Variants in ZFHX3 observed in about 807,000 individuals in gnomAD.
The protein encoded by ZFHX3 is zinc finger homeobox 3, also known as zinc finger homeobox protein 3.
ZFHX3 carries 42 observed loss-of-function variants against 279.1 expected under a neutral mutation model. The ratio of observed to expected loss-of-function variants is 0.15; its 90% CI spans 0.12 to 0.19. The LOEUF (loss-of-function observed/expected upper bound fraction) is 0.19. Among genes scored for constraint, ZFHX3 ranks in the 10% least tolerant of loss-of-function variants. The pLI, the probability that ZFHX3 is intolerant of heterozygous loss-of-function variation, is 1.00. For synonymous variants in ZFHX3, 2,293 were observed against 1,957.8 expected (o/e 1.17, Z -4.52); for missense variants, 4,981 against 4,754.0 (o/e 1.05, Z -1.40).
At chr16:73,246,949 C>T (rs911524597) in intron 5 of ZFHX3, among the ~76,000 whole-genome samples, 3 of 152,194 alleles carry the variant, frequency 2.0e-5, no homozygotes, top group Non-Finnish European at 4.4e-5. Flanking sequence ...TCAAGGTTTT[C>T]AGGCACTGAG....
intron 2 of ZFHX3, among the ~76,000 whole-genome samples, chr16:73,475,683 C>T (rs889061078): frequency 1.1e-4 from 17 of 152,006 alleles, no homozygotes; most frequent in African/African-American, 4.1e-4. Flanking sequence ...AATAACATTT[C>T]TAATTGAGAA....
intron 4 of ZFHX3, among the ~76,000 whole-genome samples, chr16:73,274,775 C>G (rs1423111446): frequency 6.6e-6 from 1 of 152,176 alleles, no homozygotes; most frequent in Non-Finnish European, 1.5e-5. Flanking sequence ...CCTGAAGATT[C>G]CTTGCTATTT....
At chr16:73,587,932 AC>A (rs2051944545) in intron 2 of ZFHX3, among the ~76,000 whole-genome samples, 1 of 152,198 alleles carries the variant, frequency 6.6e-6, no homozygotes, top group African/African-American at 2.4e-5. Flanking sequence ...CAGCATACCA[AC>A]CACAGAACAG....
intron 3 of ZFHX3, among the ~76,000 whole-genome samples, chr16:73,345,557 C>T (rs1167904981): frequency 1.3e-5 from 2 of 152,214 alleles, no homozygotes; most frequent in African/African-American, 2.4e-5. Flanking sequence ...CATGTCCCTG[C>T]GAGGACATGA....
intron 7 of ZFHX3, among the ~76,000 whole-genome samples, chr16:73,102,252 T>C (rs1167945811): frequency 2.0e-5 from 3 of 152,164 alleles, no homozygotes; most frequent in Non-Finnish European, 4.4e-5. Flanking sequence ...ATGAAGAACT[T>C]GGAAATGTTC....
At chr16:73,161,065 C>T (rs891150687) in intron 5 of ZFHX3, among the ~76,000 whole-genome samples, 2 of 152,120 alleles carry the variant, frequency 1.3e-5, no homozygotes, top group Non-Finnish European at 2.9e-5. Flanking sequence ...CTCCATATCC[C>T]AGGCTCAAGC....
At chr16:72,839,828 C>A (rs1345119356) in intron 4 of ZFHX3, among the ~76,000 whole-genome samples, 5 of 152,124 alleles carry the variant, frequency 3.3e-5, no homozygotes, top group African/African-American at 9.7e-5. Flanking sequence ...TCCCTCCTGT[C>A]CCCTTCCTCT....
At chr16:72,854,130 A>T (rs757234026) in intron 4 of ZFHX3, among the ~76,000 whole-genome samples, 12 of 152,198 alleles carry the variant, frequency 7.9e-5, no homozygotes, top group Non-Finnish European at 1.5e-4. Flanking sequence ...GCAATTAAGA[A>T]TTTCATGCTG....
intron 4 of ZFHX3, among the ~76,000 whole-genome samples, chr16:73,278,388 G>A (rs1040669277): frequency 6.6e-6 from 1 of 152,198 alleles, no homozygotes; most frequent in African/African-American, 2.4e-5. Flanking sequence ...TTGCTTGCTT[G>A]TAATGTGTCT....
chr16:73,165,035 AG>A (rs1967326752), intron 5 of ZFHX3, among the ~76,000 whole-genome samples: 3 of 152,240 alleles, frequency 2.0e-5, no homozygotes, highest in African/African-American at 7.2e-5. Context: ...ATGCTCAAGA[AG>A]TTTGGAACCA....
At chr16:73,637,368 A>C (rs886857250) in intron 2 of ZFHX3, among the ~76,000 whole-genome samples, 1 of 151,212 alleles carries the variant, frequency 6.6e-6, no homozygotes, top group Non-Finnish European at 1.5e-5. Context: ...AGTAGTTGGG[A>C]TTATAGGTGG....
chr16:72,794,220 A>C lies in ZFHX3; in HGVS notation c.8462T>G (p.Val2821Gly), dbSNP rs144056966. 2.5e-6 allele frequency: 4 copies of C among 1,614,182 alleles called. No homozygotes were observed. In the East Asian group the frequency reaches 8.9e-5, roughly 36 times the overall value. ...CTTAGTTTGGTCAAAGTTTAGATTA[A>C]CTGAGGACATGGAGGGGCTTTCAAA... ...EDFESPSMSS[V>G]NLNFDQTKLD... Residue 2821 changes from valine (V) to glycine (G), a missense_variant, in exon 9 of 10, where the codon GTT becomes GGT. Val to Gly is a moderately radical substitution (Grantham distance 109). This residue lies in a region of ZFHX3 where 744 missense variants were observed against 701.3 expected (regional missense o/e 1.06). Transcript: ENST00000268489. The surrounding 1 kb of genome is among the most constrained non-coding windows in gnomAD (Gnocchi z 4.2).
intron 3 of ZFHX3, among the ~76,000 whole-genome samples, chr16:72,930,463 G>C (rs553685780): frequency 6.6e-6 from 1 of 152,192 alleles, no homozygotes; most frequent in East Asian, 1.9e-4. Flanking sequence ...GATTCTGTGT[G>C]ATCTCTTGCA....
chr16:72,936,969 G>A (rs1960157762), intron 3 of ZFHX3, among the ~76,000 whole-genome samples: 1 of 152,146 alleles, frequency 6.6e-6, no homozygotes, highest in South Asian at 2.1e-4. Context: ...CTTGCTGATG[G>A]TTTGGCTGTA....
chr16:73,677,338 G>C (rs1278168444), intron 2 of ZFHX3, among the ~76,000 whole-genome samples: 1 of 151,770 alleles, frequency 6.6e-6, no homozygotes, highest in Non-Finnish European at 1.5e-5. Context: ...TTAAACAATG[G>C]ATAAAGTAAG....
chr16:73,280,757 G>A (rs757058233), intron 4 of ZFHX3, among the ~76,000 whole-genome samples: 9 of 152,022 alleles, frequency 5.9e-5, no homozygotes, highest in African/African-American at 1.4e-4. Context: ...CGAGGCAGGC[G>A]GATTACCTGA....
Position 72,788,300 on chromosome 16 carries a change from C to T in ZFHX3, c.9976G>A (p.Ala3326Thr), listed in dbSNP as rs781682309. Reference sequence around the variant, plus strand: ...GGCTGCAGGTACCCGCTCTGCAGGGCGCCAGGGATCTGGGGAGCATAATAA... The same window carrying T: ...GGCTGCAGGTACCCGCTCTGCAGGGTGCCAGGGATCTGGGGAGCATAATAA... ...SPYYAPQIPG[A>T]LQSGYLQPMY... is the part of the protein sequence containing the mutation. The change falls in exon 10 of 10, where the codon GCC becomes ACC. Residue 3326 changes from alanine to threonine, a missense_variant. Around this residue, in one of 7 missense-constraint regions of ZFHX3, gnomAD observed 1,034 missense variants for 786.0 expected, o/e 1.32. Coordinates refer to ENST00000268489, the MANE Select transcript of ZFHX3 (RefSeq NM_006885.4). 1.1e-5 allele frequency: 17 copies of T among 1,614,032 alleles called. No homozygotes were observed. Among genetic ancestry groups the T allele is most frequent in the Admixed American group, 1.7e-5 (1 of 59,998 alleles).
intron 5 of ZFHX3, among the ~76,000 whole-genome samples, chr16:73,236,573 G>A (rs952363672): frequency 6.6e-6 from 1 of 151,984 alleles, no homozygotes; most frequent in Non-Finnish European, 1.5e-5. Context: ...ACCCCAGCCT[G>A]GGCAACAGAG....
intron 1 of ZFHX3, among the ~76,000 whole-genome samples, chr16:73,885,980 T>A (rs1394451854): frequency 1.3e-5 from 2 of 152,170 alleles, no homozygotes; most frequent in Non-Finnish European, 2.9e-5. Flanking sequence ...TTCCTTTCCA[T>A]CCATATGCCT....
Sources: gnomAD v4.1 joint callset for allele counts (sites outside exome capture counted in the v4.1 genomes callset) on GRCh38, gnomAD v4.1.1 for gene constraint, gnomAD v4.1.1 regional missense constraint, Gnocchi (gnomAD v3.1) non-coding constraint, MANE v1.5 for transcripts, NCBI Gene and HGNC (gene_info 2026-07-23, HGNC 2026-07-21) for gene names.